Variants in TMCC1 observed in about 807,000 individuals in gnomAD.
The protein encoded by TMCC1 is transmembrane and coiled-coil domain family 1, also known as transmembrane and coiled-coil domains protein 1.
In TMCC1, 15 loss-of-function variants were observed where a neutral mutation model predicts 52.4. The observed-to-expected ratio is 0.29, with a 90% CI of 0.19 to 0.44. TMCC1 has a LOEUF of 0.44. Among genes scored for constraint, TMCC1 ranks in the 20% least tolerant of loss-of-function variants. TMCC1 has a pLI of 1.00. For synonymous variants in TMCC1, 279 were observed against 301.9 expected (o/e 0.92, Z 0.79); for missense variants, 503 against 806.0 (o/e 0.62, Z 4.55).
chr3:129,799,505 C>A (rs992924264), intron 4 of TMCC1, among the ~76,000 whole-genome samples: 1 of 151,998 alleles, frequency 6.6e-6, no homozygotes, highest in Non-Finnish European at 1.5e-5. Flanking sequence ...CCTAACATGT[C>A]CTTACTTTAA....
chr3:129,652,383 G>GT (rs1290764352), intron 6 of TMCC1, among the ~76,000 whole-genome samples: 2 of 152,188 alleles, frequency 1.3e-5, no homozygotes, highest in Non-Finnish European at 2.9e-5. Context: ...ACCTGAAAAA[G>GT]TGAGTTCTTG....
At chr3:129,735,397 C>A (rs2107623004) in intron 4 of TMCC1, among the ~76,000 whole-genome samples, 1 of 152,114 alleles carries the variant, frequency 6.6e-6, no homozygotes, top group African/African-American at 2.4e-5. Flanking sequence ...GTAATCCCAG[C>A]ACTTTGGGAG....
chr3:129,871,349 G>C (rs1192196803), intron 2 of TMCC1, among the ~76,000 whole-genome samples: 4 of 134,722 alleles, frequency 3.0e-5, no homozygotes, highest in Admixed American at 1.6e-4. Flanking sequence ...CTAGGCAACA[G>C]AGTGAGACGC....
intron 4 of TMCC1, among the ~76,000 whole-genome samples, chr3:129,681,799 T>C (rs1028963147): frequency 6.6e-6 from 1 of 151,792 alleles, no homozygotes; most frequent in African/African-American, 2.4e-5. Context: ...TCCCAGCTAC[T>C]TGGGAGGCTG....
chr3:129,648,551 T>A lies in TMCC1; in HGVS notation c.*2930A>T, dbSNP rs1210577823. The A allele has an allele frequency of 1.3e-5, 2 of 152,116 alleles. No homozygotes were observed. Among genetic ancestry groups the A allele is most frequent in the East Asian group, 1.9e-4 (1 of 5,192 alleles). 9.4% of individuals were successfully genotyped at this position (152,116 alleles called of 1,614,324 possible). A position where few individuals can be genotyped will look rare whatever the true frequency, so the allele number is the denominator to read the frequency against. On this transcript the variant is annotated 3_prime_UTR_variant, in exon 7 of 7. Coordinates refer to ENST00000393238, the MANE Select transcript of TMCC1 (RefSeq NM_001017395.5). ...AGACAGAAGTACCCTTCAATTATCA[T>A]AAACAATGTAAAATGCGCATTCTAC...
intron 1 of TMCC1, among the ~76,000 whole-genome samples, chr3:129,884,082 T>TA (rs772538425): frequency 6.6e-6 from 1 of 151,972 alleles, no homozygotes; most frequent in African/African-American, 2.4e-5. Context: ...AAAAACAAAT[T>TA]AAAGTCTTCA....
chr3:129,837,902 G>C (rs2059237569), intron 2 of TMCC1, among the ~76,000 whole-genome samples: 1 of 152,132 alleles, frequency 6.6e-6, no homozygotes, highest in African/African-American at 2.4e-5. Context: ...AAGTAGACTT[G>C]AAACAGCTGA....
intron 4 of TMCC1, among the ~76,000 whole-genome samples, chr3:129,700,663 G>C (rs1029469730): frequency 6.6e-6 from 1 of 151,880 alleles, no homozygotes; most frequent in African/African-American, 2.4e-5. Flanking sequence ...TTTTAGTAGA[G>C]ATGGGGTTTC....
chr3:129,735,980 C>T (rs541501279), intron 4 of TMCC1, among the ~76,000 whole-genome samples: 3 of 152,276 alleles, frequency 2.0e-5, no homozygotes, highest in East Asian at 3.9e-4. Flanking sequence ...GGAGTAGAGC[C>T]GAAAGACCTG....
At chr3:129,843,438 A>C (rs2059515630) in intron 2 of TMCC1, among the ~76,000 whole-genome samples, 1 of 152,202 alleles carries the variant, frequency 6.6e-6, no homozygotes, top group African/African-American at 2.4e-5. Flanking sequence ...AATGAAAGCA[A>C]AAGCTGGTTC....
At chr3:129,774,550 T>A (rs976195425) in intron 4 of TMCC1, among the ~76,000 whole-genome samples, 23 of 152,216 alleles carry the variant, frequency 1.5e-4, no homozygotes, top group African/African-American at 5.3e-4. Flanking sequence ...AGTGAGACAG[T>A]ATCATGGTTG....
At chr3:129,874,433 C>T (rs902366875) in intron 2 of TMCC1, among the ~76,000 whole-genome samples, 42 of 152,288 alleles carry the variant, frequency 2.8e-4, no homozygotes, top group Admixed American at 2.4e-3. Context: ...TAGAACTGAG[C>T]GCAGTGGTTC....
chr3:129,865,992 G>T (rs191279948), intron 2 of TMCC1, among the ~76,000 whole-genome samples: 2 of 152,044 alleles, frequency 1.3e-5, no homozygotes, highest in African/African-American at 4.8e-5. Flanking sequence ...CATGAAGCTT[G>T]TATCAGAGAT....
intron 4 of TMCC1, chr3:129,794,318 A>G (rs1207111619): frequency 2.2e-6 from 1 of 456,196 alleles, no homozygotes; most frequent in East Asian, 6.9e-5. Flanking sequence ...AAAACTACCA[A>G]CCCACCTTGG....
chr3:129,693,548 C>A (rs1576470300), intron 4 of TMCC1, among the ~76,000 whole-genome samples: 1 of 125,422 alleles, frequency 8.0e-6, no homozygotes, highest in African/African-American at 2.9e-5. Flanking sequence ...TCTGTGTCAT[C>A]TAGGCTGGAG....
At chr3:129,719,920 T>C (rs1341921373) in intron 4 of TMCC1, among the ~76,000 whole-genome samples, 1 of 152,098 alleles carries the variant, frequency 6.6e-6, no homozygotes, top group Admixed American at 6.6e-5. Context: ...GTCTCATGCC[T>C]GTAATCTCAA....
At chr3:129,785,997 C>T (rs965555620) in intron 4 of TMCC1, among the ~76,000 whole-genome samples, 2 of 144,552 alleles carry the variant, frequency 1.4e-5, no homozygotes, top group Non-Finnish European at 3.0e-5. Flanking sequence ...TATAGTGGCG[C>T]GATGTTGGCT....
At chr3:129,809,035 C>T (rs961978480) in intron 4 of TMCC1, among the ~76,000 whole-genome samples, 6 of 151,120 alleles carry the variant, frequency 4.0e-5, no homozygotes, top group African/African-American at 1.5e-4. Flanking sequence ...TCAGGAGATC[C>T]TGACCTGGCT....
At position 129,702,729 on chromosome 3, in the gene TMCC1, A is replaced by C. The variant is rs1450830460; in HGVS notation, c.577-31465T>G. ...TCAGAAAATATGAAGATTGTTAAAA[A>C]AGAAAAATGGCATTTGATGGGCTAT... On this transcript the variant is annotated intron_variant, in intron 4 of 6. Coordinates refer to ENST00000393238, the MANE Select transcript of TMCC1 (RefSeq NM_001017395.5). 5.9e-5 allele frequency among the ~76,000 whole-genome samples: 9 copies of C among 152,320 alleles called. No homozygotes were observed. The East Asian group carries it at 1.7e-3, about 29-fold the overall frequency.
Sources: gnomAD v4.1 joint callset for allele counts (sites outside exome capture counted in the v4.1 genomes callset) on GRCh38, gnomAD v4.1.1 for gene constraint, MANE v1.5 for transcripts, NCBI Gene and HGNC (gene_info 2026-07-23, HGNC 2026-07-21) for gene names.